The following PALS2 variants were observed in gnomAD, a reference collection of about 807,000 sequenced individuals.
PALS2 encodes protein PALS2.
PALS2 carries 27 observed loss-of-function variants against 61.6 expected under a neutral mutation model. The observed-to-expected ratio is 0.44, with a 90% CI of 0.32 to 0.60. The LOEUF (loss-of-function observed/expected upper bound fraction) is 0.60, where lower values mean the gene tolerates loss of function less well. PALS2 is among the 20% of genes least tolerant of loss of function. PALS2 has a pLI of 0.05. For synonymous variants in PALS2, 236 were observed against 218.6 expected (o/e 1.08, Z -0.70); for missense variants, 554 against 639.4 (o/e 0.87, Z 1.44).
At chr7:24,582,883 C>CTTTTTTTTT (rs757869072) in intron 1 of PALS2, among the ~76,000 whole-genome samples, 2 of 57,468 alleles carry the variant, frequency 3.5e-5, no homozygotes, top group African/African-American at 1.4e-4. Flanking sequence ...GATAGTCATG[C>CTTTTTTTTT]TTTTTTTTTT....
At chr7:24,668,823 G>A (rs2057995) in intron 9 of PALS2, among the ~76,000 whole-genome samples, 163 bp downstream of exon 9, 10,521 of 152,240 alleles carry the variant, frequency 0.069, 444 homozygotes, top group African/African-American at 0.11. Flanking sequence ...TAGTAATTCT[G>A]TAGCTGTCTT....
In PALS2 at chr7:24,590,379, C is replaced by A. The variant is rs148618768; in HGVS notation, c.-3+16786C>A. On this transcript the variant is annotated intron_variant, in intron 1 of 11. Transcript: ENST00000222644. Reference sequence around the variant, plus strand: ...GTGCAGCCCAGTTAGAGGACACATTCTTTCCAAGGTTTGCCAAGGCTTTTC... The same window carrying A: ...GTGCAGCCCAGTTAGAGGACACATTATTTCCAAGGTTTGCCAAGGCTTTTC... 5.3e-5 allele frequency among the ~76,000 whole-genome samples: 8 copies of A among 152,230 alleles called. No homozygotes were observed. In the East Asian group the frequency reaches 1.4e-3, roughly 26 times the overall value.
At chr7:24,670,710 C>T (rs1406985999) in intron 9 of PALS2, among the ~76,000 whole-genome samples, 8 of 152,322 alleles carry the variant, frequency 5.3e-5, no homozygotes, top group East Asian at 3.9e-4. Flanking sequence ...AACTTCCTCA[C>T]CCCCTGCTGC....
At chr7:24,636,212 C>CAAAAAAAAAAAAAAAAAAA (rs553687246) in intron 2 of PALS2, among the ~76,000 whole-genome samples, 1 of 65,348 alleles carries the variant, frequency 1.5e-5, no homozygotes, top group Non-Finnish European at 3.1e-5. Context: ...AACTCTATCT[C>CAAAAAAAAAAAAAAAAAAA]AAAAAAAAAA....
In PALS2 at chr7:24,650,696, C is replaced by A; in HGVS notation, c.635C>A (p.Thr212Asn). The change falls in exon 5 of 12, where the codon ACC becomes AAC. Residue 212 changes from threonine to asparagine, a missense_variant. Transcript: ENST00000222644. ...AAAATCTTACCAAGTTATAGAGATACCATTACTCCTCAACAGGTTAGTAAT... is the reference window on the plus strand; with the variant it reads ...AAAATCTTACCAAGTTATAGAGATAACATTACTCCTCAACAGGTTAGTAAT... ...TLKILPSYRD[T>N]ITPQQVFVKC... 4.4e-6 allele frequency: 7 copies of A among 1,582,046 alleles called. No homozygotes were observed. Among genetic ancestry groups the A allele is most frequent in the Non-Finnish European group, 6.1e-6 (7 of 1,156,564 alleles).
chr7:24,593,226 A>G (rs544526592), intron 1 of PALS2, among the ~76,000 whole-genome samples: 61 of 152,192 alleles, frequency 4.0e-4, no homozygotes, highest in Middle Eastern at 3.4e-3. Flanking sequence ...TTAAAGTTTT[A>G]TCATGAGATT....
At chr7:24,648,989 TA>T (rs143626433) in intron 3 of PALS2, among the ~76,000 whole-genome samples, 14 of 151,220 alleles carry the variant, frequency 9.3e-5, no homozygotes, top group Non-Finnish European at 1.3e-4. Context: ...GTATAGGAGG[TA>T]AAAAAAATAC....
At chr7:24,584,984 A>G (rs4301356) in intron 1 of PALS2, among the ~76,000 whole-genome samples, 71,567 of 149,836 alleles carry the variant, frequency 0.48, 20,474 homozygotes, top group African/African-American at 0.8. Flanking sequence ...GATATGTGGC[A>G]TTATTTCTGA....
At chr7:24,615,344 T>A (rs1332667585) in intron 1 of PALS2, among the ~76,000 whole-genome samples, 1 of 151,764 alleles carries the variant, frequency 6.6e-6, no homozygotes, top group East Asian at 1.9e-4. Flanking sequence ...GTTGGTTTTT[T>A]AAAAAGATAA....
intron 8 of PALS2, 118 bp downstream of exon 8, chr7:24,666,207 A>C: frequency 2.4e-6 from 2 of 848,514 alleles, no homozygotes. Flanking sequence ...ACCTAGTTGC[A>C]AGGGGCTGAC....
intron 1 of PALS2, among the ~76,000 whole-genome samples, chr7:24,609,165 G>C (rs1470601897): frequency 1.3e-5 from 2 of 152,142 alleles, no homozygotes; most frequent in South Asian, 4.1e-4. Flanking sequence ...TGATATAATT[G>C]CTGAGTTTTA....
intron 9 of PALS2, chr7:24,674,177 G>T (rs1426916050): frequency 2.4e-4 from 36 of 152,442 alleles, no homozygotes; most frequent in Non-Finnish European, 1.5e-5. Flanking sequence ...CCTCCACAAT[G>T]ACCTTAAACC....
At chr7:24,613,465 A>G (rs1220744468) in intron 1 of PALS2, among the ~76,000 whole-genome samples, 1 of 151,648 alleles carries the variant, frequency 6.6e-6, no homozygotes, top group Non-Finnish European at 1.5e-5. Flanking sequence ...TTTTTAATTA[A>G]TTGACACATT....
intron 5 of PALS2, among the ~76,000 whole-genome samples, chr7:24,654,170 C>A (rs1786297900): frequency 6.7e-6 from 1 of 148,818 alleles, no homozygotes; most frequent in Admixed American, 6.7e-5. Flanking sequence ...ATTAATTAGC[C>A]AGAAAATAGT....
chr7:24,663,415 C>A, intron 5 of PALS2, 175 bp from the exon 6 acceptor site: 1 of 520,810 alleles, frequency 1.9e-6, no homozygotes, highest in Non-Finnish European at 3.0e-6. Flanking sequence ...TTTCTGATAC[C>A]AAAATCTGTT....
At chr7:24,607,143 A>G (rs553135618) in intron 1 of PALS2, among the ~76,000 whole-genome samples, 2 of 152,288 alleles carry the variant, frequency 1.3e-5, no homozygotes, top group African/African-American at 4.8e-5. Context: ...TTTTTCAGGT[A>G]AGAAGATAGA....
At chr7:24,647,372 C>G (rs1241205478) in intron 3 of PALS2, among the ~76,000 whole-genome samples, 7 of 152,166 alleles carry the variant, frequency 4.6e-5, no homozygotes, top group African/African-American at 1.7e-4. Context: ...TGGTCTTGAA[C>G]TCCTGACCTC....
At chr7:24,601,444 A>T (rs1407877544) in intron 1 of PALS2, among the ~76,000 whole-genome samples, 1 of 151,814 alleles carries the variant, frequency 6.6e-6, no homozygotes, top group Non-Finnish European at 1.5e-5. Context: ...TGAAGATGTC[A>T]CTCCTGGAGC....
intron 1 of PALS2, among the ~76,000 whole-genome samples, chr7:24,619,776 G>T (rs1300799602): frequency 1.3e-5 from 2 of 151,600 alleles, no homozygotes; most frequent in African/African-American, 4.8e-5. Context: ...TTGAATCTAG[G>T]GTCTGATTAA....
Sources: allele counts gnomAD v4.1 joint callset (sites outside exome capture counted in the v4.1 genomes callset), GRCh38; gene constraint gnomAD v4.1.1; transcripts MANE v1.5; gene names NCBI Gene and HGNC (gene_info 2026-07-23, HGNC 2026-07-21).